Variants in IKZF1 observed in about 807,000 individuals in gnomAD.
IKZF1 encodes the protein DNA-binding protein Ikaros.
Under a neutral mutation model 51.7 loss-of-function variants are expected in IKZF1, and 10 were observed. The observed-to-expected ratio is 0.19, with a 90% CI of 0.12 to 0.33. The LOEUF (loss-of-function observed/expected upper bound fraction) is 0.33, where lower values mean the gene tolerates loss of function less well. Ranked by LOEUF, IKZF1 falls within the 10% of genes least tolerant of loss-of-function variation. The pLI is 1.00. For synonymous variants in IKZF1, 280 were observed against 282.3 expected (o/e 0.99, Z 0.08); for missense variants, 484 against 707.5 (o/e 0.68, Z 3.58).
intron 3 of IKZF1, chr7:50,369,841 T>G (rs1808136953): frequency 2.8e-6 from 1 of 358,416 alleles, no homozygotes; most frequent in African/African-American, 2.1e-5. Flanking sequence ...TTTAAAGGCC[T>G]TAAATTGCAA....
chr7:50,390,465 C>T (rs930165055), intron 6 of IKZF1, among the ~76,000 whole-genome samples: 8 of 152,028 alleles, frequency 5.3e-5, no homozygotes, highest in African/African-American at 1.7e-4. Flanking sequence ...TAAAATATAC[C>T]AGCAACAATA....
chr7:50,329,363 A>G (rs184880714), intron 3 of IKZF1, among the ~76,000 whole-genome samples: 3 of 152,366 alleles, frequency 2.0e-5, no homozygotes, highest in Non-Finnish European at 4.4e-5. Flanking sequence ...TACCAAAGAA[A>G]GATACATATA....
intron 6 of IKZF1, among the ~76,000 whole-genome samples, chr7:50,387,673 CAG>C (rs1813798580): frequency 6.6e-6 from 1 of 152,102 alleles, no homozygotes; most frequent in South Asian, 2.1e-4. Context: ...CTCATCTGAC[CAG>C]AGAGAGCTTG....
intron 5 of IKZF1, among the ~76,000 whole-genome samples, chr7:50,385,039 G>A (rs1281788054): frequency 6.6e-6 from 1 of 152,140 alleles, no homozygotes; most frequent in Non-Finnish European, 1.5e-5. Context: ...TTTCATTTGA[G>A]GCATGATGGT....
At position 50,365,084 on chromosome 7, in the gene IKZF1, A is replaced by C. The variant is rs183816569; in HGVS notation, c.161-11449A>C. ...CCTTACACATCTTCCAGTGCCTCTCAAGCATCATAAAAACAGCTTCCACAA... is the reference window on the plus strand; with the variant it reads ...CCTTACACATCTTCCAGTGCCTCTCCAGCATCATAAAAACAGCTTCCACAA... On this transcript the variant is annotated intron_variant, in intron 3 of 7. Coordinates refer to ENST00000331340, the MANE Select transcript of IKZF1 (RefSeq NM_006060.6). 1.2e-3 allele frequency among the ~76,000 whole-genome samples: 188 copies of C among 152,330 alleles called. 1 individual carries two copies. The Middle Eastern group carries it at 0.014, about 11-fold the overall frequency.
chr7:50,361,081 CT>C (rs1364159870), intron 3 of IKZF1, among the ~76,000 whole-genome samples: 5 of 152,212 alleles, frequency 3.3e-5, no homozygotes, highest in African/African-American at 7.2e-5. Flanking sequence ...CTCTTCACCC[CT>C]GCCACGATCC....
At chr7:50,369,404 A>G (rs569806973) in intron 3 of IKZF1, 1 of 397,516 alleles carries the variant, frequency 2.5e-6, no homozygotes, top group South Asian at 1.3e-4. Flanking sequence ...TGTTAATGTT[A>G]TGATAGTTAC....
chr7:50,351,326 T>G (rs1050504012), intron 3 of IKZF1, among the ~76,000 whole-genome samples: 1 of 152,232 alleles, frequency 6.6e-6, no homozygotes, highest in Non-Finnish European at 1.5e-5. Context: ...AACTAAGTTT[T>G]GCATGATTAC....
intron 2 of IKZF1, chr7:50,327,393 G>A (rs979426669): frequency 2.8e-6 from 1 of 354,214 alleles, no homozygotes; most frequent in Non-Finnish European, 5.1e-6. Flanking sequence ...TTTAAGAGTG[G>A]CAGTGTCTGG....
chr7:50,333,463 C>G (rs1349727552), intron 3 of IKZF1, among the ~76,000 whole-genome samples: 2 of 152,124 alleles, frequency 1.3e-5, no homozygotes, highest in Non-Finnish European at 2.9e-5. Context: ...CTTTTGAGCA[C>G]GGATGCGGAG....
intron 2 of IKZF1, among the ~76,000 whole-genome samples, chr7:50,323,299 CA>C (rs1444592734): frequency 6.6e-6 from 1 of 152,154 alleles, no homozygotes; most frequent in Non-Finnish European, 1.5e-5. Flanking sequence ...GTGTGATCCC[CA>C]CTTGGACCCT....
At chr7:50,327,816 C>T (rs868642571) in intron 3 of IKZF1, 59 bp downstream of exon 3, 9 of 1,504,656 alleles carry the variant, frequency 6.0e-6, no homozygotes, top group South Asian at 1.3e-5. Flanking sequence ...TGTATTTTTC[C>T]AAGACAGTGA....
intron 1 of IKZF1, among the ~76,000 whole-genome samples, chr7:50,308,214 G>A (rs1789277200): frequency 6.6e-6 from 1 of 152,206 alleles, no homozygotes; most frequent in Non-Finnish European, 1.5e-5. Flanking sequence ...GTTTTTAAGT[G>A]GCGAAGTGCG....
intron 3 of IKZF1, among the ~76,000 whole-genome samples, chr7:50,349,582 A>G (rs2153428563): frequency 6.6e-6 from 1 of 152,238 alleles, no homozygotes; most frequent in South Asian, 2.1e-4. Context: ...GGCCAAGGGG[A>G]CAGACCCTGT....
chr7:50,395,752 A>C (rs1022600572), intron 7 of IKZF1, among the ~76,000 whole-genome samples: 5 of 152,178 alleles, frequency 3.3e-5, no homozygotes, highest in Non-Finnish European at 7.3e-5. Flanking sequence ...ACTTTTTTAA[A>C]AAAAAGTTTC....
intron 1 of IKZF1, among the ~76,000 whole-genome samples, chr7:50,318,237 A>G (rs1290833686): frequency 2.0e-5 from 3 of 150,266 alleles, no homozygotes; most frequent in Non-Finnish European, 4.4e-5. Flanking sequence ...CTCGTAGTAC[A>G]CTCTGTGGAA....
chr7:50,358,547 A>G (rs1192712380), intron 3 of IKZF1, among the ~76,000 whole-genome samples: 1 of 152,194 alleles, frequency 6.6e-6, no homozygotes, highest in African/African-American at 2.4e-5. Context: ...TACGTGAGGA[A>G]GCTGAGGCTT....
At chr7:50,357,778 G>A (rs1803912970) in intron 3 of IKZF1, among the ~76,000 whole-genome samples, 1 of 152,220 alleles carries the variant, frequency 6.6e-6, no homozygotes, top group Non-Finnish European at 1.5e-5. Context: ...AAGACTTGGA[G>A]AAGTTAGCTC....
At chr7:50,339,814 C>G (rs1798657755) in intron 3 of IKZF1, among the ~76,000 whole-genome samples, 3 of 151,514 alleles carry the variant, frequency 2.0e-5, no homozygotes, top group African/African-American at 7.3e-5. Context: ...TATGCTATTG[C>G]TGTTATTTGG....
Sources: gnomAD v4.1 joint callset for allele counts (sites outside exome capture counted in the v4.1 genomes callset) on GRCh38, gnomAD v4.1.1 for gene constraint, MANE v1.5 for transcripts, NCBI Gene and HGNC (gene_info 2026-07-23, HGNC 2026-07-21) for gene names.